The following RNF24 variants were observed in gnomAD, a reference collection of about 807,000 sequenced individuals.
The protein encoded by RNF24 is ring finger protein 24.
In RNF24, 14 loss-of-function variants were observed where a neutral mutation model predicts 20.0. That is an observed-to-expected ratio of 0.70 (90% CI 0.46 to 1.10). The LOEUF is 1.10. Ranked by LOEUF, RNF24 falls within the 50% of genes least tolerant of loss-of-function variation. The pLI, the probability that RNF24 is intolerant of heterozygous loss-of-function variation, is 0.00. For synonymous variants in RNF24, 45 were observed against 61.1 expected, an observed-to-expected ratio of 0.74 and a Z score of 1.23; for missense variants, 124 against 177.6, an observed-to-expected ratio of 0.70 and a Z score of 1.71.
intron 1 of RNF24, among the ~76,000 whole-genome samples, chr20:3,995,810 G>A (rs1050797241): frequency 1.3e-5 from 2 of 151,740 alleles, no homozygotes; most frequent in African/African-American, 4.8e-5. Context: ...ATATTTGGGG[G>A]GTGAATTTGG....
chr20:3,964,009 C>A lies in RNF24; in HGVS notation c.9G>T (p.Ser3=). The part of the protein sequence containing the change: MS[S]DFPHYNFRMP... Reference sequence around the variant, plus strand: ...TCCTGAAGTTGTAATGTGGGAAATCCGAGCTCATGGATGAACTGTGGGGGA... The same window carrying A: ...TCCTGAAGTTGTAATGTGGGAAATCAGAGCTCATGGATGAACTGTGGGGGA... The change falls in exon 2 of 6, where the codon TCG becomes TCT. Residue 3 remains serine, a synonymous_variant. Coordinates refer to ENST00000358395, the MANE Select transcript of RNF24 (RefSeq NM_001134337.3). 3 of 1,612,316 alleles carry A rather than the reference C, an allele frequency of 1.9e-6. No homozygotes were observed. The South Asian group carries it at 3.3e-5, about 18-fold the overall frequency.
At chr20:3,974,077 A>G (rs946791871) in intron 1 of RNF24, among the ~76,000 whole-genome samples, 1 of 151,796 alleles carries the variant, frequency 6.6e-6, no homozygotes, top group Non-Finnish European at 1.5e-5. Context: ...AAAAAAAAAA[A>G]TCAATGTAAT....
chr20:3,997,229 C>CA (rs1227396478), intron 1 of RNF24, among the ~76,000 whole-genome samples: 2,700 of 50,434 alleles, frequency 0.054, 78 homozygotes, highest in African/African-American at 0.1. Flanking sequence ...GACTCCATCT[C>CA]AAAAAAAAAA....
intron 1 of RNF24, among the ~76,000 whole-genome samples, chr20:3,984,804 TTTTTC>T (rs1232366299): frequency 6.6e-6 from 1 of 152,162 alleles, no homozygotes; most frequent in African/African-American, 2.4e-5. Flanking sequence ...AAGCTTTTTT[TTTTTC>T]TTTCAAATCT....
At chr20:3,998,679 C>G (rs1011287933) in intron 1 of RNF24, among the ~76,000 whole-genome samples, 1 of 150,244 alleles carries the variant, frequency 6.7e-6, no homozygotes, top group Admixed American at 6.7e-5. Flanking sequence ...TTGCTTGAAC[C>G]CAGGAGGCGG....
intron 4 of RNF24, among the ~76,000 whole-genome samples, chr20:3,944,703 C>A (rs2090996651): frequency 1.3e-5 from 2 of 152,216 alleles, no homozygotes; most frequent in Non-Finnish European, 1.5e-5. Flanking sequence ...AACCATGCAA[C>A]CGAAGAGCTA....
intron 1 of RNF24, among the ~76,000 whole-genome samples, chr20:3,998,038 G>A (rs950934152): frequency 5.3e-5 from 8 of 152,112 alleles, no homozygotes; most frequent in African/African-American, 1.9e-4. Context: ...ATGCTCTAAG[G>A]GTTGCACTTC....
At chr20:3,987,918 A>C (rs1293623331) in intron 1 of RNF24, among the ~76,000 whole-genome samples, 1 of 152,228 alleles carries the variant, frequency 6.6e-6, no homozygotes, top group Non-Finnish European at 1.5e-5. Context: ...AGATCATGTA[A>C]ATTAGGGAAA....
rs1568611934 is a variant in RNF24, at chr20:3,935,082, CAA to C, written c.229-11_229-10del. 1.2e-6 allele frequency: 2 copies of C among 1,612,776 alleles called. No individual in the cohort carries two copies. Among genetic ancestry groups the C allele is most frequent in the Admixed American group, 3.3e-5 (2 of 59,978 alleles). On this transcript the variant is annotated splice_polypyrimidine_tract_variant and intron_variant, in intron 4 of 5. Transcript: ENST00000358395. ...AGGCACACTGCACAGAGCTGAAAGA[CAA>C]ATGCACAAATGAAGCCAAGTGTCTG...
intron 1 of RNF24, among the ~76,000 whole-genome samples, chr20:3,969,347 A>G (rs1180180760): frequency 6.6e-6 from 1 of 152,114 alleles, no homozygotes; most frequent in Non-Finnish European, 1.5e-5. Flanking sequence ...ATAACTAAAA[A>G]CCATGGACAT....
At chr20:3,951,348 T>C (rs769010514) in intron 2 of RNF24, among the ~76,000 whole-genome samples, 11 of 152,188 alleles carry the variant, frequency 7.2e-5, no homozygotes, top group African/African-American at 2.7e-4. Context: ...TTGGTGGAAT[T>C]TGAAGATTTC....
At position 3,978,276 on chromosome 20, in the gene RNF24, T is replaced by C. The variant is rs1388889794; in HGVS notation, c.-7-14252A>G. Among the ~76,000 whole-genome samples, 3 of 152,076 alleles carry C rather than the reference T, an allele frequency of 2.0e-5. No homozygotes were observed. In the East Asian group the frequency reaches 5.8e-4, roughly 29 times the overall value. On this transcript the variant is annotated intron_variant, in intron 1 of 5. Transcript: ENST00000358395. ...CGGTCTTGAAGTCCTGACATTGTGA[T>C]CCGCCCACCTTGGCCTCCCAAAGTG...
chr20:3,982,627 C>A, intron 1 of RNF24, among the ~76,000 whole-genome samples: 1 of 151,194 alleles, frequency 6.6e-6, no homozygotes, highest in Non-Finnish European at 1.5e-5. Context: ...TGGCTCACAC[C>A]TATAATCCCA....
intron 2 of RNF24, among the ~76,000 whole-genome samples, chr20:3,959,489 T>A (rs537242425): frequency 2.3e-3 from 351 of 152,322 alleles, no homozygotes; most frequent in Middle Eastern, 0.02. Flanking sequence ...TAAAACATAA[T>A]ACACAATAAT....
intron 1 of RNF24, among the ~76,000 whole-genome samples, chr20:3,986,130 T>A (rs78751681): frequency 0.01 from 1,540 of 152,282 alleles, 17 homozygotes; most frequent in African/African-American, 0.035. Flanking sequence ...AGACTTCACT[T>A]TGAGGGCAAA....
In RNF24 at chr20:3,954,132, C is replaced by T. The variant is rs148145801; in HGVS notation, c.144-5853G>A. On this transcript the variant is annotated intron_variant, in intron 2 of 5. Transcript: ENST00000358395. ...ACTAACCGCCTTCAAGTATACAATT[C>T]AGTGGTAAGTAGTGTACTCACAATG... Among the ~76,000 whole-genome samples the T allele has an allele frequency of 3.5e-4, 54 of 152,240 alleles. 2 individuals are homozygous for T. In the East Asian group the frequency reaches 0.01, roughly 29 times the overall value.
intron 1 of RNF24, among the ~76,000 whole-genome samples, chr20:3,982,107 C>CTCTCTCTCAA (rs1267946935): frequency 7.0e-6 from 1 of 142,752 alleles, no homozygotes; most frequent in Non-Finnish European, 1.5e-5. Context: ...GACCTCGTCT[C>CTCTCTCTCAA]TCTCTCTCTC....
At chr20:3,989,756 C>T (rs567589067) in intron 1 of RNF24, among the ~76,000 whole-genome samples, 6 of 152,190 alleles carry the variant, frequency 3.9e-5, no homozygotes, top group African/African-American at 7.2e-5. Flanking sequence ...AGTCTCCAGG[C>T]CCCTCTTTCC....
At chr20:3,942,599 A>T (rs1228910691) in intron 4 of RNF24, among the ~76,000 whole-genome samples, 2 of 151,984 alleles carry the variant, frequency 1.3e-5, no homozygotes, top group Non-Finnish European at 2.9e-5. Flanking sequence ...CAGCCTCCTG[A>T]GTAGCTGGGA....
Sources: gnomAD v4.1 joint callset for allele counts (sites outside exome capture counted in the v4.1 genomes callset) on GRCh38, gnomAD v4.1.1 for gene constraint, MANE v1.5 for transcripts, NCBI Gene and HGNC (gene_info 2026-07-23, HGNC 2026-07-21) for gene names.